Variants in INPP4B observed in about 807,000 individuals in gnomAD.
INPP4B encodes inositol polyphosphate-4-phosphatase type II B.
INPP4B carries 55 observed loss-of-function variants against 122.5 expected under a neutral mutation model. The observed-to-expected ratio is 0.45, with a 90% CI of 0.36 to 0.56. The LOEUF is 0.56. INPP4B is among the 20% of genes least tolerant of loss of function. The pLI is 0.00. For missense variants in INPP4B, 1,000 were observed against 1,097.7 expected (o/e 0.91, Z 1.26); for synonymous variants, 403 against 388.7 (o/e 1.04, Z -0.43).
intron 15 of INPP4B, among the ~76,000 whole-genome samples, chr4:142,177,259 T>C (rs1223898758): frequency 9.4e-4 from 7 of 7,454 alleles, no homozygotes; most frequent in Non-Finnish European, 8.6e-3. Flanking sequence ...TAGTATGGTA[T>C]GGAAAAAAAA....
intron 2 of INPP4B, among the ~76,000 whole-genome samples, chr4:142,509,112 A>T (rs1246489694): frequency 6.6e-6 from 1 of 152,224 alleles, no homozygotes; most frequent in Non-Finnish European, 1.5e-5. Flanking sequence ...TTTACAGAGT[A>T]TCAAATGATG....
intron 3 of INPP4B, among the ~76,000 whole-genome samples, chr4:142,433,362 C>G (rs1164237985): frequency 6.6e-6 from 1 of 152,140 alleles, no homozygotes; most frequent in Non-Finnish European, 1.5e-5. Flanking sequence ...TATTTCTACT[C>G]AGGCCAGTTC....
At chr4:142,562,092 G>C (rs1176958470) in intron 2 of INPP4B, among the ~76,000 whole-genome samples, 1 of 152,136 alleles carries the variant, frequency 6.6e-6, no homozygotes, top group African/African-American at 2.4e-5. Context: ...GAAGAGGAAA[G>C]AAGGTTTTAA....
intron 1 of INPP4B, among the ~76,000 whole-genome samples, chr4:142,751,618 T>G (rs1268235280): frequency 2.6e-5 from 4 of 152,064 alleles, no homozygotes; most frequent in Non-Finnish European, 4.4e-5. Context: ...GTGATTCTAT[T>G]AATATGCCAT....
At chr4:142,734,671 G>A (rs982881764) in intron 1 of INPP4B, among the ~76,000 whole-genome samples, 1 of 151,408 alleles carries the variant, frequency 6.6e-6, no homozygotes, top group Non-Finnish European at 1.5e-5. Flanking sequence ...TTCAGATGGA[G>A]TTTCACCCTT....
chr4:142,511,480 A>C (rs148522044), intron 2 of INPP4B, among the ~76,000 whole-genome samples: 1 of 152,192 alleles, frequency 6.6e-6, no homozygotes, highest in Non-Finnish European at 1.5e-5. Context: ...CCTGTAAATC[A>C]GAACACATTA....
chr4:142,774,524 C>A (rs1580883969), intron 1 of INPP4B, among the ~76,000 whole-genome samples: 1 of 152,058 alleles, frequency 6.6e-6, no homozygotes, highest in African/African-American at 2.4e-5. Context: ...GATCCCTTTA[C>A]ATACAACATC....
At chr4:142,655,098 C>A (rs1430456944) in intron 2 of INPP4B, among the ~76,000 whole-genome samples, 1 of 152,186 alleles carries the variant, frequency 6.6e-6, no homozygotes, top group East Asian at 1.9e-4. Context: ...TTTCTGTCTT[C>A]TAATTCATTG....
chr4:142,737,148 T>C (rs945945294), intron 1 of INPP4B, among the ~76,000 whole-genome samples: 11 of 152,130 alleles, frequency 7.2e-5, no homozygotes, highest in African/African-American at 1.9e-4. Context: ...GAGCCTGCAT[T>C]GCCAAGTCAA....
intron 7 of INPP4B, among the ~76,000 whole-genome samples, chr4:142,385,372 T>TA (rs199869287): frequency 0.17 from 25,014 of 144,970 alleles, 2,310 homozygotes; most frequent in African/African-American, 0.27. Flanking sequence ...TACTGAACCT[T>TA]AAAAAAAAAA....
intron 1 of INPP4B, among the ~76,000 whole-genome samples, chr4:142,744,881 G>C (rs1182257242): frequency 1.3e-5 from 2 of 151,650 alleles, no homozygotes; most frequent in African/African-American, 4.8e-5. Context: ...TTTCTTAAAA[G>C]ATAGGCTATT....
chr4:142,717,214 AT>A (rs1375722901), intron 2 of INPP4B, among the ~76,000 whole-genome samples: 1 of 152,226 alleles, frequency 6.6e-6, no homozygotes, highest in African/African-American at 2.4e-5. Context: ...AGGACAGTAA[AT>A]TTTGAGACTA....
rs777995101 is a variant in INPP4B, at chr4:142,725,867, A to T, written c.-219T>A. 2.5e-6 allele frequency: 1 copy of T among 397,990 alleles called. No homozygotes were observed. Among genetic ancestry groups the T allele is most frequent in the Admixed American group, 4.4e-5 (1 of 22,708 alleles). The allele number at this position is 397,990 out of a possible 1,614,324, so 24.7% of individuals were successfully genotyped here. A position where few individuals can be genotyped will look rare whatever the true frequency, so the allele number is the denominator to read the frequency against. ...TGTCTAATTTTTCATAAAAGACAGA[A>T]GACCTCTTGCCAGGTAACACCATTT... On this transcript the variant is annotated 5_prime_UTR_variant, in exon 2 of 26. Coordinates refer to ENST00000262992, the MANE Select transcript of INPP4B (RefSeq NM_001101669.3).
intron 7 of INPP4B, among the ~76,000 whole-genome samples, chr4:142,394,920 T>C (rs1579942850): frequency 1.3e-5 from 2 of 152,348 alleles, no homozygotes; most frequent in African/African-American, 4.8e-5. Context: ...CATTTTCTTC[T>C]AGTTCCTTTT....
intron 7 of INPP4B, among the ~76,000 whole-genome samples, chr4:142,393,580 G>A (rs1372698443): frequency 6.6e-6 from 1 of 152,212 alleles, no homozygotes; most frequent in East Asian, 1.9e-4. Flanking sequence ...TGACCAAAAA[G>A]GAGGAATTGT....
intron 2 of INPP4B, among the ~76,000 whole-genome samples, chr4:142,466,282 A>C (rs1273910534): frequency 1.3e-5 from 2 of 152,192 alleles, no homozygotes; most frequent in Non-Finnish European, 2.9e-5. Context: ...CTCACATGAA[A>C]ATGGGAAACT....
intron 7 of INPP4B, chr4:142,317,412 G>T: frequency 6.4e-6 from 2 of 310,200 alleles, no homozygotes. Flanking sequence ...AGATGTAGAA[G>T]AAACTGTGGC....
intron 2 of INPP4B, among the ~76,000 whole-genome samples, chr4:142,526,014 G>T (rs1826864826): frequency 6.6e-6 from 1 of 152,054 alleles, no homozygotes; most frequent in African/African-American, 2.4e-5. Context: ...AAGGTAATTT[G>T]TCTGGCACGA....
intron 7 of INPP4B, among the ~76,000 whole-genome samples, chr4:142,396,832 T>C (rs1340715682): frequency 2.6e-5 from 4 of 152,070 alleles, no homozygotes; most frequent in Non-Finnish European, 5.9e-5. Context: ...GAAGAAAAGA[T>C]ACTAGATGTA....
Sources: gnomAD v4.1 joint callset for allele counts (sites outside exome capture counted in the v4.1 genomes callset) on GRCh38, gnomAD v4.1.1 for gene constraint, MANE v1.5 for transcripts, NCBI Gene and HGNC (gene_info 2026-07-23, HGNC 2026-07-21) for gene names.